The following DNAH1 variants were observed in gnomAD, a reference collection of about 807,000 sequenced individuals.
The protein encoded by DNAH1 is axonemal beta dynein heavy chain 1.
A neutral mutation model predicts 484.3 loss-of-function variants in DNAH1; 327 were observed. That is an observed-to-expected ratio of 0.68 (90% CI 0.62 to 0.74). DNAH1 has a LOEUF of 0.74. Ranked by LOEUF, DNAH1 falls within the 30% of genes least tolerant of loss-of-function variation. DNAH1 has a pLI of 0.00. For missense variants in DNAH1, 5,052 were observed against 5,546.8 expected (o/e 0.91, Z 2.83); for synonymous variants, 2,192 against 2,191.9 (o/e 1.00, Z 0.00).
intron 1 of DNAH1, among the ~76,000 whole-genome samples, chr3:52,317,447 C>T (rs1559480866): frequency 6.6e-6 from 1 of 152,174 alleles, no homozygotes; most frequent in Non-Finnish European, 1.5e-5. Context: ...CCCACCTTTT[C>T]CTCAGTGCCC....
chr3:52,339,265 T>C (rs950415909), intron 8 of DNAH1, among the ~76,000 whole-genome samples: 1 of 152,136 alleles, frequency 6.6e-6, no homozygotes, highest in Non-Finnish European at 1.5e-5. Context: ...TTCCTTTATT[T>C]TCTCTCATTT....
chr3:52,366,423 C>G (rs1703074951), intron 34 of DNAH1, 34 bp from the exon 35 acceptor site: 1 of 1,546,098 alleles, frequency 6.5e-7, no homozygotes, highest in African/African-American at 1.4e-5. Flanking sequence ...CAAGCCCATG[C>G]TCTGACCCTT....
At chr3:52,372,179 T>A in intron 42 of DNAH1, 48 bp from the exon 43 acceptor site, 2 of 1,611,618 alleles carry the variant, frequency 1.2e-6, no homozygotes, top group Non-Finnish European at 1.7e-6. Flanking sequence ...CAGCTCCTCC[T>A]GTGCACCAGG....
At chr3:52,339,192 G>C (rs554434676) in intron 8 of DNAH1, among the ~76,000 whole-genome samples, 298 of 151,866 alleles carry the variant, frequency 2.0e-3, no homozygotes, top group Non-Finnish European at 3.3e-3. Flanking sequence ...AATTCAACCA[G>C]TTTCCGACCC....
chr3:52,366,968 A>G (rs1417042667), intron 36 of DNAH1, 81 bp downstream of exon 36: 10 of 1,498,126 alleles, frequency 6.7e-6, no homozygotes, highest in African/African-American at 1.4e-5. Context: ...CCCTCCCTCC[A>G]TTAGCCCAGT....
At chr3:52,394,083 T>C (rs1311379934) in intron 66 of DNAH1, among the ~76,000 whole-genome samples, 4 of 152,212 alleles carry the variant, frequency 2.6e-5, no homozygotes, top group Non-Finnish European at 5.9e-5. Context: ...GGCCAGGAAC[T>C]CACACTCTCA....
chr3:52,347,678 C>T lies in DNAH1; in HGVS notation c.1956-146C>T, dbSNP rs1559510159. ...TGGCCTGGGTCTTCCTCTCTGGTAA[C>T]TTGGAGGTGTGTGGGACGAAGGAGA... On this transcript the variant is annotated intron_variant, in intron 11 of 77. Transcript: ENST00000420323. The T allele has an allele frequency of 4.0e-6, 4 of 998,180 alleles. No homozygotes were observed. The East Asian group carries it at 8.5e-5, about 21-fold the overall frequency. The allele number at this position is 998,180 out of a possible 1,614,324, so 61.8% of individuals were successfully genotyped here. A position where few individuals can be genotyped will look rare whatever the true frequency, so the allele number is the denominator to read the frequency against.
chr3:52,396,305 G>A (rs1704620908), intron 70 of DNAH1, 63 bp from the exon 71 acceptor site: 1 of 1,504,960 alleles, frequency 6.6e-7, no homozygotes, highest in Non-Finnish European at 8.9e-7. Flanking sequence ...GCAGGAGGGA[G>A]CCTGGTGTCA....
In DNAH1 at chr3:52,355,306, C is replaced by G. The variant is rs1044970207; in HGVS notation, c.3693+251C>G. On this transcript the variant is annotated intron_variant, in intron 21 of 77. Coordinates refer to ENST00000420323, the MANE Select transcript of DNAH1 (RefSeq NM_015512.5). The surrounding 1 kb of genome is among the most constrained non-coding windows in gnomAD (Gnocchi z 4.5). The stretch of plus-strand genomic sequence containing the variant: ...GGTGCGTAGGGGCAGCATTTGGGTC[C>G]CAAAATGTGGTTGAGGATAGGCCTG... Among the ~76,000 whole-genome samples the G allele has an allele frequency of 2.0e-5, 3 of 152,304 alleles. No individual in the cohort carries two copies. The highest frequency in any genetic ancestry group is 2.9e-5 in the Non-Finnish European group (2 of 68,016).
At chr3:52,357,556 A>G (rs1276048895) in intron 22 of DNAH1, 58 bp from the exon 23 acceptor site, 13 of 1,565,830 alleles carry the variant, frequency 8.3e-6, no homozygotes, top group Non-Finnish European at 1.0e-5. Flanking sequence ...GGATGAGCCT[A>G]TCTTGCTACC....
In DNAH1 at chr3:52,358,131, A is replaced by G. The variant is rs576935216; in HGVS notation, c.4086+128A>G. 1 of 764,018 alleles carries G rather than the reference A, an allele frequency of 1.3e-6. No individual in the cohort carries two copies. Among genetic ancestry groups the G allele is most frequent in the East Asian group, 2.8e-5 (1 of 36,148 alleles). The allele number at this position is 764,018 out of a possible 1,614,324, so 47.3% of individuals were successfully genotyped here. A position where few individuals can be genotyped will look rare whatever the true frequency, so the allele number is the denominator to read the frequency against. On this transcript the variant is annotated intron_variant, in intron 24 of 77. Coordinates refer to ENST00000420323, the MANE Select transcript of DNAH1 (RefSeq NM_015512.5). The surrounding 1 kb of genome is among the most constrained non-coding windows in gnomAD (Gnocchi z 4.2). ...AATGACATTCCTGGTCTTTGGAGAC[A>G]CACCTGGGGCCTGTGGGAGGAAGGT...
Position 52,345,652 on chromosome 3 carries a change from C to A in DNAH1, c.1602C>A (p.Ser534=), listed in dbSNP as rs1382620628. The change falls in exon 10 of 78, where the codon TCC becomes TCA. Residue 534 remains serine (S), a synonymous_variant. Coordinates refer to ENST00000420323, the MANE Select transcript of DNAH1 (RefSeq NM_015512.5). The part of the protein sequence containing the change: ...TAMSLFHSSL[S]KYSHLEEFEQ... ...TGTCCCTGTTCCACTCGAGCCTCTC[C>A]AAGTACAGCCACCTGGAGGAATTTG... The A allele has an allele frequency of 1.9e-6, 3 of 1,612,924 alleles. No individual in the cohort carries two copies. Among genetic ancestry groups the A allele is most frequent in the Admixed American group, 3.3e-5 (2 of 59,876 alleles).
At chr3:52,341,583 C>G (rs1318522369) in intron 8 of DNAH1, among the ~76,000 whole-genome samples, 2 of 140,692 alleles carry the variant, frequency 1.4e-5, no homozygotes, top group Non-Finnish European at 3.0e-5. Context: ...GTCCCCCAGG[C>G]TAGAGTGCAG....
At chr3:52,339,173 G>A (rs191733931) in intron 8 of DNAH1, among the ~76,000 whole-genome samples, 1 of 151,924 alleles carries the variant, frequency 6.6e-6, no homozygotes, top group African/African-American at 2.4e-5. Context: ...GCTGCTTTGC[G>A]TATCTTTTAA....
At chr3:52,391,657 A>T in intron 63 of DNAH1, 54 bp downstream of exon 63, 1 of 1,602,456 alleles carries the variant, frequency 6.2e-7, no homozygotes, top group East Asian at 2.2e-5. Flanking sequence ...CTGCCTGCCC[A>T]GCTGCTCCTC....
upstream of DNAH1, among the ~76,000 whole-genome samples, chr3:52,311,482 G>T (rs777858448): frequency 6.6e-6 from 1 of 152,154 alleles, no homozygotes; most frequent in Non-Finnish European, 1.5e-5. Context: ...TCTGGGGCCA[G>T]CAGACTCAGT....
rs1702161987 is a variant in DNAH1 at position 52,346,768 on chromosome 3, C to T, written c.1953C>T (p.Tyr651=). The T allele has an allele frequency of 1.2e-6, 2 of 1,602,926 alleles. No individual in the cohort carries two copies. The highest frequency in any genetic ancestry group is 2.2e-5 in the South Asian group (2 of 90,764). ...GTGACGACTTAATTAACAGCCCCTA[C>T]AGGTGGGGCCCGGCGGGGCGGAGGC... The part of the protein sequence containing the change: ...VWGDDLINSP[Y]RPRKNPLFIM... The change falls in exon 11 of 78, where the codon TAC becomes TAT. Residue 651 remains tyrosine (Y), a splice_region_variant and synonymous_variant. Coordinates refer to ENST00000420323, the MANE Select transcript of DNAH1 (RefSeq NM_015512.5).
chr3:52,363,603 G>A (rs1210011676), intron 32 of DNAH1, among the ~76,000 whole-genome samples: 1 of 152,248 alleles, frequency 6.6e-6, no homozygotes, highest in African/African-American at 2.4e-5. Context: ...CCAGGCACCA[G>A]TGCTGGTGGA....
At chr3:52,313,845 C>T (rs770778171), upstream of DNAH1, among the ~76,000 whole-genome samples, 15 of 152,294 alleles carry the variant, frequency 9.8e-5, no homozygotes, top group Middle Eastern at 3.4e-3. Context: ...ACTGATGACC[C>T]CACCGTGACA....
Sources: allele counts gnomAD v4.1 joint callset (sites outside exome capture counted in the v4.1 genomes callset), GRCh38; gene constraint gnomAD v4.1.1; non-coding constraint Gnocchi (gnomAD v3.1); transcripts MANE v1.5; gene names NCBI Gene and HGNC (gene_info 2026-07-23, HGNC 2026-07-21).